The following SLC24A3 variants were observed in gnomAD, a reference collection of about 807,000 sequenced individuals.
SLC24A3 encodes sodium/potassium/calcium exchanger 3.
In SLC24A3, 28 loss-of-function variants were observed where a neutral mutation model predicts 75.8. The observed-to-expected ratio is 0.37, with a 90% CI of 0.27 to 0.51. SLC24A3 has a LOEUF of 0.51. Ranked by LOEUF, SLC24A3 falls within the 20% of genes least tolerant of loss-of-function variation. The pLI, the probability that SLC24A3 is intolerant of heterozygous loss-of-function variation, is 0.94. For synonymous variants in SLC24A3, 372 were observed against 334.1 expected, an observed-to-expected ratio of 1.11 and a Z score of -1.24; for missense variants, 663 against 847.8, an observed-to-expected ratio of 0.78 and a Z score of 2.71.
intron 2 of SLC24A3, among the ~76,000 whole-genome samples, chr20:19,317,045 C>T (rs550262354): frequency 6.6e-5 from 10 of 152,086 alleles, no homozygotes; most frequent in African/African-American, 2.4e-4. Flanking sequence ...CTTTGACAAA[C>T]CTGACAAAAA....
chr20:19,432,920 G>A (rs964442433), intron 2 of SLC24A3, among the ~76,000 whole-genome samples: 3 of 152,198 alleles, frequency 2.0e-5, no homozygotes, highest in African/African-American at 7.2e-5. Context: ...ACATAAGCAT[G>A]TGACAGTTAT....
chr20:19,529,380 G>T (rs2030254754), intron 3 of SLC24A3, among the ~76,000 whole-genome samples: 1 of 152,108 alleles, frequency 6.6e-6, no homozygotes, highest in Non-Finnish European at 1.5e-5. Context: ...TCACCACCAT[G>T]CACTGAGCTG....
At chr20:19,629,778 G>A (rs1010311367) in intron 6 of SLC24A3, among the ~76,000 whole-genome samples, 2 of 152,120 alleles carry the variant, frequency 1.3e-5, no homozygotes, top group South Asian at 2.1e-4. Flanking sequence ...AAAAACTGAC[G>A]GCCAAGAATA....
At chr20:19,403,401 G>T (rs1986586124) in intron 2 of SLC24A3, among the ~76,000 whole-genome samples, 2 of 152,126 alleles carry the variant, frequency 1.3e-5, no homozygotes, top group Non-Finnish European at 2.9e-5. Context: ...TTCTTTTAAA[G>T]AAATAGTTAT....
chr20:19,683,409 G>A (rs2032636979), intron 10 of SLC24A3, among the ~76,000 whole-genome samples: 1 of 152,182 alleles, frequency 6.6e-6, no homozygotes, highest in African/African-American at 2.4e-5. Context: ...TCATAGAGAG[G>A]GAGCTGGACC....
intron 2 of SLC24A3, among the ~76,000 whole-genome samples, chr20:19,366,519 C>T (rs746369405): frequency 9.9e-5 from 15 of 152,114 alleles, no homozygotes; most frequent in Non-Finnish European, 1.8e-4. Flanking sequence ...TCCCATCTAT[C>T]CCTAATGACC....
chr20:19,581,114 G>C (rs1372028119), intron 4 of SLC24A3, among the ~76,000 whole-genome samples: 1 of 152,186 alleles, frequency 6.6e-6, no homozygotes, highest in Non-Finnish European at 1.5e-5. Flanking sequence ...AATATTTAGA[G>C]AGCCACAGGA....
chr20:19,641,055 C>G (rs1401218412), intron 6 of SLC24A3, among the ~76,000 whole-genome samples: 1 of 152,148 alleles, frequency 6.6e-6, no homozygotes, highest in African/African-American at 2.4e-5. Context: ...TAGATTTTAC[C>G]AGTCTTGTGC....
chr20:19,253,666 C>A (rs1212093064), intron 1 of SLC24A3, among the ~76,000 whole-genome samples: 1 of 152,224 alleles, frequency 6.6e-6, no homozygotes, highest in East Asian at 1.9e-4. Context: ...ACAGGTTTCC[C>A]ATAGGCTCTT....
chr20:19,325,125 T>G (rs2122282743), intron 2 of SLC24A3, among the ~76,000 whole-genome samples: 1 of 151,928 alleles, frequency 6.6e-6, no homozygotes, highest in Admixed American at 6.6e-5. Context: ...GGTCACCTCC[T>G]TAGGAGAGAG....
chr20:19,293,766 C>T (rs190364285), intron 2 of SLC24A3, among the ~76,000 whole-genome samples: 172 of 152,062 alleles, frequency 1.1e-3, no homozygotes, highest in Middle Eastern at 3.4e-3. Flanking sequence ...CTCAGTAATT[C>T]CCACTATAAA....
intron 6 of SLC24A3, among the ~76,000 whole-genome samples, chr20:19,589,249 T>A (rs765299232): frequency 6.6e-6 from 1 of 152,252 alleles, no homozygotes; most frequent in Non-Finnish European, 1.5e-5. Flanking sequence ...TCACTGTGGG[T>A]AACAGAGATC....
chr20:19,437,080 C>T (rs1600229810), intron 2 of SLC24A3, among the ~76,000 whole-genome samples: 1 of 152,250 alleles, frequency 6.6e-6, no homozygotes, highest in African/African-American at 2.4e-5. Context: ...AGTGAAATGG[C>T]CTTGTGGGGA....
At chr20:19,470,083 C>T (rs2122505559) in intron 2 of SLC24A3, among the ~76,000 whole-genome samples, 1 of 152,284 alleles carries the variant, frequency 6.6e-6, no homozygotes, top group East Asian at 1.9e-4. Context: ...GTGAAGATGC[C>T]CTGCCACCTG....
At chr20:19,397,641 TC>T (rs1417625586) in intron 2 of SLC24A3, among the ~76,000 whole-genome samples, 5 of 113,752 alleles carry the variant, frequency 4.4e-5, no homozygotes, top group Non-Finnish European at 5.0e-5. Context: ...GCTTTTTTTT[TC>T]TTTTCTTTTT....
At chr20:19,649,583 GTT>G (rs2032177249) in intron 6 of SLC24A3, among the ~76,000 whole-genome samples, 1 of 151,894 alleles carries the variant, frequency 6.6e-6, no homozygotes, top group Non-Finnish European at 1.5e-5. Flanking sequence ...TGTGGTCACT[GTT>G]TTTTGTTTTT....
chr20:19,295,345 C>G (rs1429322999), intron 2 of SLC24A3, among the ~76,000 whole-genome samples: 3 of 152,102 alleles, frequency 2.0e-5, no homozygotes, highest in Admixed American at 1.3e-4. Context: ...ATTTGAATAC[C>G]TTTTATTTCT....
At chr20:19,712,521 C>G (rs1004313208) in intron 15 of SLC24A3, among the ~76,000 whole-genome samples, 1 of 151,958 alleles carries the variant, frequency 6.6e-6, no homozygotes, top group Non-Finnish European at 1.5e-5. Context: ...CTAGCTAGAC[C>G]GAAAGTCTCA....
At chr20:19,542,386 G>C (rs1300670069) in intron 3 of SLC24A3, among the ~76,000 whole-genome samples, 2 of 152,206 alleles carry the variant, frequency 1.3e-5, no homozygotes, top group Non-Finnish European at 2.9e-5. Context: ...GGGCAGGGCT[G>C]CTGCATCAGG....
Sources: gnomAD v4.1 joint callset for allele counts (sites outside exome capture counted in the v4.1 genomes callset) on GRCh38, gnomAD v4.1.1 for gene constraint, MANE v1.5 for transcripts, NCBI Gene and HGNC (gene_info 2026-07-23, HGNC 2026-07-21) for gene names.